Variants in WDR25 observed in about 807,000 individuals in gnomAD.
WDR25 encodes WD repeat domain 25, also known as WD repeat-containing protein 25.
WDR25 carries 35 observed loss-of-function variants against 47.7 expected under a neutral mutation model. The observed-to-expected ratio is 0.73, with a 90% confidence interval of 0.56 to 0.97. The LOEUF (loss-of-function observed/expected upper bound fraction) is 0.97. WDR25 is among the 50% of genes least tolerant of loss of function. The probability of loss-of-function intolerance (pLI) is 0.00; values close to 1 mark genes in which losing one functional copy is unlikely to be tolerated. For synonymous variants in WDR25, 248 were observed against 278.9 expected, an observed-to-expected ratio of 0.89 and a Z score of 1.10; for missense variants, 634 against 704.7, an observed-to-expected ratio of 0.90 and a Z score of 1.14.
intron 2 of WDR25, chr14:100,382,233 TGTGAGGACGGCCCCCA>T: frequency 2.9e-6 from 2 of 700,880 alleles, no homozygotes; most frequent in South Asian, 3.0e-5. Context: ...AACCCTGAGC[TGTGAGGACGGCCCCCA>T]GTAGGACACA....
intron 4 of WDR25, among the ~76,000 whole-genome samples, chr14:100,491,772 G>A (rs1211622307): frequency 2.0e-5 from 3 of 152,256 alleles, no homozygotes; most frequent in African/African-American, 7.2e-5. Flanking sequence ...GCCATGTGCA[G>A]CTCCGTGCCT....
At chr14:100,420,576 A>G (rs1414256752) in intron 2 of WDR25, among the ~76,000 whole-genome samples, 2 of 152,326 alleles carry the variant, frequency 1.3e-5, no homozygotes, top group Admixed American at 1.3e-4. Context: ...CTTAGACTCT[A>G]TTGCTAGGGT....
rs148697524 is a variant in WDR25, at chr14:100,500,446, C to G, written c.1101+16322C>G. ...TGGGGATGGTCAGATGGAGGCATGC[C>G]GGGCACGGGGCATTCTCTGTGGCCC... On this transcript the variant is annotated intron_variant, in intron 4 of 6. Transcript: ENST00000402312. The surrounding 1 kb of genome is among the most constrained non-coding windows in gnomAD (Gnocchi z 4.7). 6.6e-6 allele frequency among the ~76,000 whole-genome samples: 1 copy of G among 152,116 alleles called. No homozygotes were observed. The highest frequency in any genetic ancestry group is 1.5e-5 in the Non-Finnish European group (1 of 68,004).
chr14:100,385,286 G>T (rs193046807), intron 2 of WDR25, among the ~76,000 whole-genome samples: 1 of 152,324 alleles, frequency 6.6e-6, no homozygotes, highest in Admixed American at 6.5e-5. Flanking sequence ...CCTTTGGGAA[G>T]GGATTGTCTT....
chr14:100,422,628 G>A (rs1050003258), intron 2 of WDR25, among the ~76,000 whole-genome samples: 3 of 152,326 alleles, frequency 2.0e-5, no homozygotes, highest in East Asian at 3.9e-4. Context: ...CCTCTTTGAC[G>A]CGACCACATG....
intron 3 of WDR25, 96 bp from the exon 4 acceptor site, chr14:100,483,898 T>G: frequency 4.2e-6 from 6 of 1,438,174 alleles, no homozygotes; most frequent in Non-Finnish European, 5.6e-6. Context: ...GAGCTGTGTT[T>G]GCTATGAGCC....
chr14:100,454,248 C>G (rs2140272328), intron 2 of WDR25, among the ~76,000 whole-genome samples: 1 of 152,222 alleles, frequency 6.6e-6, no homozygotes, highest in Admixed American at 6.5e-5. Context: ...TGTTCAGTGG[C>G]TCACCCACAG....
intron 2 of WDR25, among the ~76,000 whole-genome samples, chr14:100,384,068 C>T (rs551942950): frequency 2.6e-5 from 4 of 152,346 alleles, no homozygotes; most frequent in South Asian, 2.1e-4. Context: ...GGCATGGGCC[C>T]CTTGGGCTGC....
rs549167877 is a variant in WDR25 at position 100,461,844 on chromosome 14, A to C, written c.823-6177A>C. Among the ~76,000 whole-genome samples, 24 of 152,178 alleles carry C rather than the reference A, an allele frequency of 1.6e-4. 1 individual carries two copies. The South Asian group carries it at 5.0e-3, about 32-fold the overall frequency. ...CCACGAGGGAGGCGAAGGCTTACCC[A>C]GAAGTTTGACAGCCAGGTGATGGGG... On this transcript the variant is annotated intron_variant, in intron 2 of 6. Coordinates refer to ENST00000402312, the MANE Select transcript of WDR25 (RefSeq NM_001161476.3).
chr14:100,444,528 C>T (rs1021617315), intron 2 of WDR25, among the ~76,000 whole-genome samples: 1 of 147,724 alleles, frequency 6.8e-6, no homozygotes, highest in Non-Finnish European at 1.5e-5. Flanking sequence ...CGTCTGGGTC[C>T]AGGTGACTTC....
intron 2 of WDR25, among the ~76,000 whole-genome samples, chr14:100,457,518 G>C (rs948411827): frequency 3.3e-5 from 5 of 152,150 alleles, no homozygotes; most frequent in African/African-American, 1.2e-4. Flanking sequence ...TTTTAAAACC[G>C]AAGTGATTTC....
chr14:100,492,295 C>G (rs571022291), intron 4 of WDR25, among the ~76,000 whole-genome samples: 1 of 152,346 alleles, frequency 6.6e-6, no homozygotes, highest in East Asian at 1.9e-4. Flanking sequence ...TTCCCAGAAT[C>G]TGGAACCTCA....
intron 2 of WDR25, among the ~76,000 whole-genome samples, chr14:100,432,456 C>A (rs925925764): frequency 1.3e-5 from 2 of 152,122 alleles, no homozygotes; most frequent in Admixed American, 1.3e-4. Flanking sequence ...ACAAAAAATC[C>A]ATCTTCTCAC....
rs1211430422 is a variant in WDR25, at chr14:100,448,476, TG to T, written c.823-19543del. On this transcript the variant is annotated intron_variant, in intron 2 of 6. Coordinates refer to ENST00000402312, the MANE Select transcript of WDR25 (RefSeq NM_001161476.3). ...CCCAGAAAGAGAAGCACATGCATGC[TG>T]GCCGTGAGTCATGGGCCTGCTAACT... Among the ~76,000 whole-genome samples, 3 of 152,156 alleles carry T rather than the reference TG, an allele frequency of 2.0e-5. 1 individual carries two copies. The East Asian group carries it at 5.8e-4, about 29-fold the overall frequency.
chr14:100,429,869 G>T (rs1420751715), intron 2 of WDR25, among the ~76,000 whole-genome samples: 1 of 152,066 alleles, frequency 6.6e-6, no homozygotes, highest in Non-Finnish European at 1.5e-5. Flanking sequence ...GTCTCTTCCT[G>T]TAAAGATAGT....
intron 2 of WDR25, among the ~76,000 whole-genome samples, chr14:100,414,085 T>A (rs887211670): frequency 6.6e-6 from 1 of 151,336 alleles, no homozygotes; most frequent in Non-Finnish European, 1.5e-5. Flanking sequence ...AATCTCTGCC[T>A]CCTGGGTTCA....
chr14:100,414,038 C>T (rs1472788354), intron 2 of WDR25, among the ~76,000 whole-genome samples: 1 of 150,802 alleles, frequency 6.6e-6, no homozygotes, highest in Admixed American at 6.6e-5. Flanking sequence ...CTCTGTCACT[C>T]AGGCTTGAGT....
At chr14:100,457,670 TG>T (rs1439481289) in intron 2 of WDR25, among the ~76,000 whole-genome samples, 3 of 152,238 alleles carry the variant, frequency 2.0e-5, no homozygotes, top group Non-Finnish European at 4.4e-5. Flanking sequence ...AAATGTAAGA[TG>T]TTTTTTGTTC....
At position 100,424,336 on chromosome 14, in the gene WDR25, A is replaced by G. The variant is rs1898108609; in HGVS notation, c.822+42590A>G. Among the ~76,000 whole-genome samples, 1 of 152,230 alleles carries G rather than the reference A, an allele frequency of 6.6e-6. No individual in the cohort carries two copies. Among genetic ancestry groups the G allele is most frequent in the Admixed American group, 6.5e-5 (1 of 15,288 alleles). On this transcript the variant is annotated intron_variant, in intron 2 of 6. Transcript: ENST00000402312. The surrounding 1 kb of genome is among the most constrained non-coding windows in gnomAD (Gnocchi z 4.2). The stretch of plus-strand genomic sequence containing the variant: ...CCTCTGTTTCCATGACAGACTGTTC[A>G]CAGCCTCACAGTTTGCATCCCGTGT...
Sources: allele counts gnomAD v4.1 joint callset (sites outside exome capture counted in the v4.1 genomes callset), GRCh38; gene constraint gnomAD v4.1.1; non-coding constraint Gnocchi (gnomAD v3.1); transcripts MANE v1.5; gene names NCBI Gene and HGNC (gene_info 2026-07-23, HGNC 2026-07-21).